The following VPS53 variants were observed in gnomAD, a reference collection of about 807,000 sequenced individuals.
VPS53 encodes VPS53 subunit of GARP complex, also known as vacuolar protein sorting-associated protein 53 homolog.
In VPS53, 70 loss-of-function variants were observed where a neutral mutation model predicts 107.0. That is an observed-to-expected ratio of 0.65 (90% CI 0.54 to 0.80). The LOEUF is 0.80. VPS53 is among the 30% of genes least tolerant of loss of function. VPS53 has a pLI of 0.00. For missense variants in VPS53, 917 were observed against 1,049.4 expected (o/e 0.87, Z 1.74); for synonymous variants, 409 against 393.3 (o/e 1.04, Z -0.47).
intron 11 of VPS53, among the ~76,000 whole-genome samples, chr17:604,095 T>C (rs1332010417): frequency 1.3e-5 from 2 of 152,182 alleles, no homozygotes; most frequent in African/African-American, 4.8e-5. Context: ...ATGCCCCTCA[T>C]CTATTGCTAA....
At chr17:600,016 AC>A (rs1425074031) in intron 12 of VPS53, 8 of 152,334 alleles carry the variant, frequency 5.3e-5, no homozygotes, top group Non-Finnish European at 8.8e-5. Context: ...ACTCTGCTTT[AC>A]CCCATGTACT....
chr17:558,996 A>AAAAT (rs912420806), intron 15 of VPS53, among the ~76,000 whole-genome samples: 43 of 152,064 alleles, frequency 2.8e-4, no homozygotes, highest in Non-Finnish European at 5.0e-4. Flanking sequence ...ACTCTGTCTC[A>AAAAT]AAATAAATAA....
intron 19 of VPS53, chr17:522,876 T>C (rs8072809): frequency 0.91 from 138,937 of 152,246 alleles, 63,619 homozygotes; most frequent in East Asian, 1. Flanking sequence ...TGTTATTTAT[T>C]GTTCCCATTT....
intron 13 of VPS53, among the ~76,000 whole-genome samples, chr17:565,608 C>T (rs1489869434): frequency 6.6e-6 from 1 of 151,982 alleles, no homozygotes; most frequent in Non-Finnish European, 1.5e-5. Flanking sequence ...TCTTGCCTCA[C>T]TTTCCCACTG....
chr17:535,787 G>A (rs549603603), intron 18 of VPS53, among the ~76,000 whole-genome samples: 54 of 152,290 alleles, frequency 3.5e-4, no homozygotes, highest in African/African-American at 1.3e-3. Flanking sequence ...CCTCCCTGGA[G>A]AGTCCACTCT....
chr17:554,589 G>A (rs955140166), intron 15 of VPS53, among the ~76,000 whole-genome samples: 9 of 152,162 alleles, frequency 5.9e-5, no homozygotes, highest in Admixed American at 6.5e-5. Context: ...TTTTAGTAGA[G>A]ACGGGGTTTC....
chr17:602,734 A>G (rs1968384130), intron 11 of VPS53, among the ~76,000 whole-genome samples: 1 of 152,234 alleles, frequency 6.6e-6, no homozygotes, highest in Non-Finnish European at 1.5e-5. Context: ...AAACCCTAGA[A>G]GCAGCACATG....
intron 4 of VPS53, among the ~76,000 whole-genome samples, chr17:662,433 T>A (rs1300254819): frequency 6.6e-6 from 1 of 152,208 alleles, no homozygotes; most frequent in Non-Finnish European, 1.5e-5. Context: ...CTCACGCCTG[T>A]AATCCCAGCA....
intron 5 of VPS53, chr17:657,652 G>A (rs2095789161): frequency 1.7e-6 from 1 of 591,744 alleles, no homozygotes; most frequent in East Asian, 2.9e-5. Context: ...CTGGAAGGAA[G>A]GGAGTGCCCT....
intron 8 of VPS53, among the ~76,000 whole-genome samples, chr17:629,553 C>T (rs1202108814): frequency 1.3e-5 from 2 of 151,508 alleles, no homozygotes; most frequent in African/African-American, 2.4e-5. Flanking sequence ...GTCAGGAGAT[C>T]GAGATCCATC....
At chr17:541,044 A>G (rs902352625) in intron 17 of VPS53, among the ~76,000 whole-genome samples, 1 of 152,090 alleles carries the variant, frequency 6.6e-6, no homozygotes, top group African/African-American at 2.4e-5. Context: ...TTAAATTCCT[A>G]CTTCTTCACT....
chr17:599,138 G>GC (rs1348155452), intron 12 of VPS53, among the ~76,000 whole-genome samples: 1 of 144,160 alleles, frequency 6.9e-6, no homozygotes, highest in African/African-American at 2.5e-5. Flanking sequence ...GGGGGGGTCA[G>GC]CCCCCCGCCC....
chr17:644,514 T>TA (rs1407002947), intron 7 of VPS53, among the ~76,000 whole-genome samples: 3 of 151,982 alleles, frequency 2.0e-5, no homozygotes, highest in Non-Finnish European at 4.4e-5. Context: ...TAGTACCTCT[T>TA]AAAAAAACAA....
At chr17:711,371 C>T (rs746436868) in intron 1 of VPS53, among the ~76,000 whole-genome samples, 1 of 152,184 alleles carries the variant, frequency 6.6e-6, no homozygotes, top group African/African-American at 2.4e-5. Flanking sequence ...CTGAAGAAGC[C>T]TTCCAAAGAA....
chr17:591,562 G>A (rs1451352122), intron 12 of VPS53, among the ~76,000 whole-genome samples: 1 of 152,086 alleles, frequency 6.6e-6, no homozygotes, highest in East Asian at 1.9e-4. Flanking sequence ...GTGTCCCAGA[G>A]ATTCTGGTAT....
intron 18 of VPS53, chr17:536,816 G>A (rs1239202591): frequency 1.8e-6 from 1 of 557,414 alleles, no homozygotes; most frequent in South Asian, 2.3e-5. Context: ...TGATAATGAC[G>A]TGTTGATGCA....
At chr17:590,795 G>C (rs1211258982) in intron 12 of VPS53, among the ~76,000 whole-genome samples, 1 of 145,660 alleles carries the variant, frequency 6.9e-6, no homozygotes, top group African/African-American at 2.5e-5. Context: ...TTTTATTGAG[G>C]ATTTTTGCAT....
chr17:528,117 T>C (rs1344374267), intron 19 of VPS53, among the ~76,000 whole-genome samples: 2 of 152,182 alleles, frequency 1.3e-5, no homozygotes, highest in African/African-American at 2.4e-5. Flanking sequence ...TCAAAAACCA[T>C]AAAATTTACC....
rs1908702744 is a variant in VPS53 at position 520,897 on chromosome 17, A to G, written c.2223+704T>C. On this transcript the variant is annotated intron_variant, in intron 20 of 21. Coordinates refer to ENST00000437048, the MANE Select transcript of VPS53 (RefSeq NM_001128159.3). This position sits in a 1 kb window ranked among gnomAD's most constrained non-coding sequence, Gnocchi z 4.4. ...ACATGAGCTCTTCACCCTTACCTAC[A>G]TGAGCTGCTTCATCCTCACCCACAT... Among the ~76,000 whole-genome samples the G allele has an allele frequency of 6.6e-6, 1 of 151,576 alleles. No individual in the cohort carries two copies. The highest frequency in any genetic ancestry group is 6.6e-5 in the Admixed American group (1 of 15,220).
Sources: gnomAD v4.1 joint callset for allele counts (sites outside exome capture counted in the v4.1 genomes callset) on GRCh38, gnomAD v4.1.1 for gene constraint, Gnocchi (gnomAD v3.1) non-coding constraint, MANE v1.5 for transcripts, NCBI Gene and HGNC (gene_info 2026-07-23, HGNC 2026-07-21) for gene names.